CACNA1E: variants seen among roughly 807,000 people sequenced by gnomAD.
CACNA1E encodes calcium voltage-gated channel subunit alpha1 E.
CACNA1E carries 40 observed loss-of-function variants against 259.2 expected under a neutral mutation model. The observed-to-expected ratio is 0.15, with a 90% confidence interval of 0.12 to 0.20. The LOEUF is 0.20. Among genes scored for constraint, CACNA1E ranks in the 10% least tolerant of loss-of-function variants. The probability of loss-of-function intolerance (pLI) is 1.00; values close to 1 mark genes in which losing one functional copy is unlikely to be tolerated. For missense variants in CACNA1E, 1,874 were observed against 3,040.1 expected (o/e 0.62, Z 9.02); for synonymous variants, 1,104 against 1,138.5 (o/e 0.97, Z 0.61).
intron 25 of CACNA1E, among the ~76,000 whole-genome samples, chr1:181,750,028 C>T (rs1002878793): frequency 6.6e-6 from 1 of 152,244 alleles, no homozygotes; most frequent in Non-Finnish European, 1.5e-5. Flanking sequence ...GAATTTCTGG[C>T]CCAGAGTGGG....
chr1:181,595,109 C>T (rs1653031132), intron 6 of CACNA1E, among the ~76,000 whole-genome samples: 2 of 152,154 alleles, frequency 1.3e-5, no homozygotes, highest in African/African-American at 4.8e-5. Context: ...GATATCATGA[C>T]CTTTTCAAGT....
chr1:181,770,629 G>A (rs1178805401), intron 35 of CACNA1E, among the ~76,000 whole-genome samples: 1 of 152,156 alleles, frequency 6.6e-6, no homozygotes, highest in Non-Finnish European at 1.5e-5. Flanking sequence ...GTTTCCTTTT[G>A]GATGGGATTT....
At chr1:181,652,874 G>C (rs955686078) in intron 7 of CACNA1E, among the ~76,000 whole-genome samples, 1 of 152,028 alleles carries the variant, frequency 6.6e-6, no homozygotes, top group African/African-American at 2.4e-5. Context: ...TTGATATGTT[G>C]TACTGAAAAC....
intron 18 of CACNA1E, among the ~76,000 whole-genome samples, chr1:181,729,205 G>A (rs1041893721): frequency 1.0e-4 from 15 of 148,366 alleles, no homozygotes; most frequent in Admixed American, 2.7e-4. Context: ...CATTTTGCTC[G>A]GGTGTGTGTG....
chr1:181,624,876 T>C (rs927878070), intron 6 of CACNA1E, among the ~76,000 whole-genome samples: 1 of 152,178 alleles, frequency 6.6e-6, no homozygotes, highest in East Asian at 1.9e-4. Context: ...GCTATAGCCT[T>C]ATGAAGTACA....
intron 44 of CACNA1E, among the ~76,000 whole-genome samples, chr1:181,792,676 C>CCCTA (rs33924892): frequency 0.77 from 117,331 of 151,802 alleles, 45,422 homozygotes; most frequent in East Asian, 0.84. Context: ...TTGGGCAATG[C>CCCTA]CCTGTTTTTA....
intron 1 of CACNA1E, among the ~76,000 whole-genome samples, chr1:181,361,115 T>C (rs560154202): frequency 6.6e-6 from 1 of 152,290 alleles, no homozygotes; most frequent in African/African-American, 2.4e-5. Flanking sequence ...GCCTTCTTCA[T>C]GTGGTCTCCT....
At chr1:181,365,229 G>A (rs536665330) in intron 1 of CACNA1E, among the ~76,000 whole-genome samples, 13 of 152,284 alleles carry the variant, frequency 8.5e-5, no homozygotes, top group South Asian at 6.2e-4. Flanking sequence ...GTGCAGTGAC[G>A]CGATCATGGC....
chr1:181,690,329 G>T (rs193068637), intron 7 of CACNA1E, among the ~76,000 whole-genome samples: 22 of 152,182 alleles, frequency 1.4e-4, no homozygotes, highest in African/African-American at 4.8e-4. Context: ...TGTTCCATTG[G>T]TCTATATATC....
chr1:181,705,571 C>T (rs1652714852), intron 7 of CACNA1E, among the ~76,000 whole-genome samples: 1 of 152,200 alleles, frequency 6.6e-6, no homozygotes, highest in African/African-American at 2.4e-5. Context: ...TCCAATTCAC[C>T]TTACTTCCCT....
intron 2 of CACNA1E, among the ~76,000 whole-genome samples, chr1:181,469,373 C>G (rs1016118077): frequency 8.6e-5 from 13 of 151,940 alleles, no homozygotes; most frequent in African/African-American, 2.9e-4. Context: ...AGTTTTGTGC[C>G]CGAGTTAGGG....
At chr1:181,410,265 C>A (rs1557980867) in intron 1 of CACNA1E, among the ~76,000 whole-genome samples, 2 of 152,142 alleles carry the variant, frequency 1.3e-5, no homozygotes, top group Non-Finnish European at 2.9e-5. Context: ...AGGGACCCAC[C>A]CAGCTGTTGG....
At chr1:181,330,513 C>T (rs975788407) in intron 1 of CACNA1E, among the ~76,000 whole-genome samples, 13 of 152,292 alleles carry the variant, frequency 8.5e-5, no homozygotes, top group Admixed American at 2.0e-4. Flanking sequence ...GCCCGAGTTC[C>T]GTGTGTGGCT....
intron 2 of CACNA1E, among the ~76,000 whole-genome samples, chr1:181,466,707 T>G (rs1351797957): frequency 6.6e-6 from 1 of 152,362 alleles, no homozygotes; most frequent in African/African-American, 2.4e-5. Context: ...CAATTCCTCC[T>G]AGGGATTTCC....
At chr1:181,730,651 A>C (rs551158765) in intron 18 of CACNA1E, among the ~76,000 whole-genome samples, 1 of 152,334 alleles carries the variant, frequency 6.6e-6, no homozygotes, top group East Asian at 1.9e-4. Flanking sequence ...ACCATGGACC[A>C]CTTCGTAGCC....
intron 7 of CACNA1E, among the ~76,000 whole-genome samples, chr1:181,692,320 G>A (rs999902394): frequency 6.6e-6 from 1 of 152,078 alleles, no homozygotes; most frequent in African/African-American, 2.4e-5. Flanking sequence ...TTTACATGGA[G>A]CTAAAAAAGG....
In CACNA1E at chr1:181,501,527, C is replaced by T. The variant is rs564722622; in HGVS notation, c.267-8950C>T. 5.3e-5 allele frequency among the ~76,000 whole-genome samples: 8 copies of T among 152,332 alleles called. No individual in the cohort carries two copies. In the South Asian group the frequency reaches 1.5e-3, roughly 28 times the overall value. ...GCATTAAATGGGTAATGCTTAGGAT[C>T]TTTTGCTTTGAGTAACTGAGTCCAC... On this transcript the variant is annotated intron_variant, in intron 1 of 47. Transcript: ENST00000367573.
intron 2 of CACNA1E, among the ~76,000 whole-genome samples, chr1:181,463,330 G>A (rs915704893): frequency 3.3e-5 from 5 of 152,050 alleles, no homozygotes; most frequent in East Asian, 1.9e-4. Context: ...TTGGACTCTG[G>A]TTGACTGAGG....
chr1:181,726,252 C>T (rs996248130), intron 18 of CACNA1E, 90 bp downstream of exon 18: 4 of 878,450 alleles, frequency 4.6e-6, no homozygotes, highest in African/African-American at 1.7e-5. Flanking sequence ...TAGGAGTGTA[C>T]CTACTACATG....
Sources: gnomAD v4.1 joint callset for allele counts (sites outside exome capture counted in the v4.1 genomes callset) on GRCh38, gnomAD v4.1.1 for gene constraint, MANE v1.5 for transcripts, NCBI Gene and HGNC (gene_info 2026-07-23, HGNC 2026-07-21) for gene names.